The following PTPRN2 variants were observed in gnomAD, a reference collection of about 807,000 sequenced individuals.
PTPRN2 encodes receptor-type tyrosine-protein phosphatase N2.
A neutral mutation model predicts 118.8 loss-of-function variants in PTPRN2; 74 were observed. That is an observed-to-expected ratio of 0.62 (90% CI 0.52 to 0.76). PTPRN2 has a LOEUF of 0.76. Ranked by LOEUF, PTPRN2 falls within the 30% of genes least tolerant of loss-of-function variation. PTPRN2 has a pLI of 0.00. For missense variants in PTPRN2, 1,481 were observed against 1,394.4 expected, an observed-to-expected ratio of 1.06 and a Z score of -0.99; for synonymous variants, 641 against 608.0, an observed-to-expected ratio of 1.05 and a Z score of -0.80.
chr7:157,955,464 C>A (rs561510493), intron 11 of PTPRN2, among the ~76,000 whole-genome samples: 1 of 152,144 alleles, frequency 6.6e-6, no homozygotes, highest in East Asian at 1.9e-4. Context: ...AATTTTTAAG[C>A]CATTTCAACT....
chr7:158,327,374 C>T (rs531200819), intron 2 of PTPRN2, among the ~76,000 whole-genome samples: 1 of 145,222 alleles, frequency 6.9e-6, no homozygotes, highest in African/African-American at 2.7e-5. Flanking sequence ...GTCACACACA[C>T]ATTATCACAT....
chr7:158,080,314 CAAAAAAAAAAAAAA>C (rs556546951), intron 11 of PTPRN2, among the ~76,000 whole-genome samples: 1 of 72,226 alleles, frequency 1.4e-5, no homozygotes, highest in Non-Finnish European at 2.5e-5. Context: ...CAAATTTAAG[CAAAAAAAAAAAAAA>C]AAAAAAAAAA....
chr7:157,779,963 A>G lies in PTPRN2; in HGVS notation c.1789-97026T>C, dbSNP rs916629263. 2.0e-5 allele frequency among the ~76,000 whole-genome samples: 3 copies of G among 152,202 alleles called. No individual in the cohort carries two copies. Among genetic ancestry groups the G allele is most frequent in the African/African-American group, 4.8e-5 (2 of 41,452 alleles). The stretch of plus-strand genomic sequence containing the variant: ...CAGACTGCTGTGTCCACACGGGTTA[A>G]TAAAAATGCTGACCCCAGTTCCCAA... On this transcript the variant is annotated intron_variant, in intron 12 of 22. Coordinates refer to ENST00000389418, the MANE Select transcript of PTPRN2 (RefSeq NM_002847.5). The surrounding 1 kb of genome is among the most constrained non-coding windows in gnomAD (Gnocchi z 4.7).
intron 7 of PTPRN2, among the ~76,000 whole-genome samples, 192 bp from the exon 8 acceptor site, chr7:158,136,887 G>A (rs1489837322): frequency 6.6e-6 from 1 of 152,232 alleles, no homozygotes; most frequent in African/African-American, 2.4e-5. Context: ...CTTCGCGAGA[G>A]CGGAGGGGAC....
At chr7:158,068,170 G>A (rs975005719) in intron 11 of PTPRN2, among the ~76,000 whole-genome samples, 2 of 152,224 alleles carry the variant, frequency 1.3e-5, no homozygotes, top group Non-Finnish European at 2.9e-5. Flanking sequence ...ACTGAGCAGA[G>A]CAGGCCAGAG....
Position 158,159,212 on chromosome 7 carries a change from T to C in PTPRN2, c.910+7719A>G, listed in dbSNP as rs7791380. On this transcript the variant is annotated intron_variant, in intron 6 of 22. Coordinates refer to ENST00000389418, the MANE Select transcript of PTPRN2 (RefSeq NM_002847.5). ...CGGGACTTTGCAAGTGCTTTCTGAA[T>C]GAATGAGTGAACTTGGGAATAACCA... Among the ~76,000 whole-genome samples, 859 of 146,776 alleles carry C rather than the reference T, an allele frequency of 5.9e-3. 14 individuals carry two copies. The highest frequency in any genetic ancestry group is 0.021 in the African/African-American group (769 of 36,588).
At chr7:158,458,767 G>A (rs951407926) in intron 2 of PTPRN2, among the ~76,000 whole-genome samples, 4 of 152,172 alleles carry the variant, frequency 2.6e-5, no homozygotes, top group East Asian at 1.9e-4. Context: ...CGGGCTCCAC[G>A]CTGCCTAAGA....
At chr7:158,340,260 T>C (rs1450637891) in intron 2 of PTPRN2, among the ~76,000 whole-genome samples, 5 of 87,794 alleles carry the variant, frequency 5.7e-5, no homozygotes, top group African/African-American at 8.1e-5. Flanking sequence ...CTATAAGAGG[T>C]GACACCTACA....
At chr7:158,064,676 G>T (rs942472144) in intron 11 of PTPRN2, among the ~76,000 whole-genome samples, 11 of 152,064 alleles carry the variant, frequency 7.2e-5, no homozygotes, top group African/African-American at 2.7e-4. Context: ...ACTCACCAAA[G>T]CCCCCCCTGT....
At chr7:158,400,779 T>G (rs924402866) in intron 2 of PTPRN2, among the ~76,000 whole-genome samples, 1 of 152,026 alleles carries the variant, frequency 6.6e-6, no homozygotes, top group African/African-American at 2.4e-5. Flanking sequence ...GCAGGCATCC[T>G]CTACACAAAC....
chr7:158,375,571 C>T (rs1352493828), intron 2 of PTPRN2, among the ~76,000 whole-genome samples: 4 of 152,212 alleles, frequency 2.6e-5, no homozygotes, highest in Non-Finnish European at 5.9e-5. Context: ...GAGGGTAGTT[C>T]CCCGGCAAAG....
intron 22 of PTPRN2, among the ~76,000 whole-genome samples, chr7:157,541,684 A>T (rs1563196822): frequency 6.6e-6 from 1 of 152,278 alleles, no homozygotes; most frequent in Non-Finnish European, 1.5e-5. Flanking sequence ...CCCAGCTAAC[A>T]ACTTCTGGAA....
chr7:158,136,571 T>C, intron 8 of PTPRN2, 84 bp downstream of exon 8: 1 of 1,391,724 alleles, frequency 7.2e-7, no homozygotes. Flanking sequence ...ACTTTTGTAT[T>C]TCATAAATGT....
At chr7:157,574,939 C>G (rs1799949905) in intron 19 of PTPRN2, among the ~76,000 whole-genome samples, 1 of 152,258 alleles carries the variant, frequency 6.6e-6, no homozygotes, top group South Asian at 2.1e-4. Context: ...GCTTTCTACT[C>G]TGACGTGGCT....
chr7:158,389,724 G>A lies in PTPRN2; in HGVS notation c.164-72792C>T, dbSNP rs569361341. Among the ~76,000 whole-genome samples the A allele has an allele frequency of 1.2e-4, 18 of 152,342 alleles. No homozygotes were observed. The East Asian group carries it at 1.5e-3, about 13-fold the overall frequency. ...AACACGGATGACAACACAGATGCAC[G>A]GATAAATCATCACGCGTCGCATTCC... is the stretch of plus-strand genomic sequence containing the variant. On this transcript the variant is annotated intron_variant, in intron 2 of 22. Coordinates refer to ENST00000389418, the MANE Select transcript of PTPRN2 (RefSeq NM_002847.5).
At chr7:158,283,676 A>C (rs1393755528) in intron 3 of PTPRN2, among the ~76,000 whole-genome samples, 1 of 151,916 alleles carries the variant, frequency 6.6e-6, no homozygotes, top group Non-Finnish European at 1.5e-5. Context: ...ACCGGACCTC[A>C]CCCCACCCGC....
At chr7:158,532,911 A>C (rs1586889084) in intron 1 of PTPRN2, 1 of 470,282 alleles carries the variant, frequency 2.1e-6, no homozygotes, top group South Asian at 1.6e-5. Context: ...GCTCCACCAC[A>C]CCTGCTCCCT....
chr7:158,409,123 C>A (rs960429180), intron 2 of PTPRN2, among the ~76,000 whole-genome samples: 1 of 152,210 alleles, frequency 6.6e-6, no homozygotes, highest in African/African-American at 2.4e-5. Flanking sequence ...GAAGCCCCCG[C>A]AGGTAATGCT....
At chr7:157,551,562 G>A (rs1183302269) in intron 21 of PTPRN2, among the ~76,000 whole-genome samples, 8 of 67,168 alleles carry the variant, frequency 1.2e-4, no homozygotes, top group Admixed American at 1.0e-3. Flanking sequence ...CACACCCCAC[G>A]CACCCCACAG....
Sources: gnomAD v4.1 joint callset for allele counts (sites outside exome capture counted in the v4.1 genomes callset) on GRCh38, gnomAD v4.1.1 for gene constraint, Gnocchi (gnomAD v3.1) non-coding constraint, MANE v1.5 for transcripts, NCBI Gene and HGNC (gene_info 2026-07-23, HGNC 2026-07-21) for gene names.